PLEK: variants seen among roughly 807,000 people sequenced by gnomAD.
PLEK encodes pleckstrin.
Under a neutral mutation model 43.9 loss-of-function variants are expected in PLEK, and 25 were observed. The observed-to-expected ratio is 0.57, with a 90% confidence interval of 0.41 to 0.79. The LOEUF (loss-of-function observed/expected upper bound fraction) is 0.79, where lower values mean the gene tolerates loss of function less well. Ranked by LOEUF, PLEK falls within the 30% of genes least tolerant of loss-of-function variation. PLEK has a pLI of 0.00. For missense variants in PLEK, 396 were observed against 413.3 expected (o/e 0.96, Z 0.36); for synonymous variants, 152 against 144.4 (o/e 1.05, Z -0.38).
rs796961997 is a variant in PLEK at position 68,378,381 on chromosome 2, G to A, written c.43-1947G>A. On this transcript the variant is annotated intron_variant, in intron 1 of 8. Coordinates refer to ENST00000234313, the MANE Select transcript of PLEK (RefSeq NM_002664.3). ...GATGACATGTCATACAATAATGGAG[G>A]AGGCCTGCAAGTCTGAGGCAGGCCG... 3.2e-4 allele frequency among the ~76,000 whole-genome samples: 49 copies of A among 152,240 alleles called. 1 individual carries two copies. Among genetic ancestry groups the A allele is most frequent in the African/African-American group, 1.1e-3 (47 of 41,536 alleles).
chr2:68,381,242 A>G lies in PLEK; in HGVS notation c.380+338A>G, dbSNP rs115519401. On this transcript the variant is annotated intron_variant, in intron 3 of 8. Coordinates refer to ENST00000234313, the MANE Select transcript of PLEK (RefSeq NM_002664.3). ...CTTTAGGATCTTTAGGTAGAAAGGAAAAAGCAGGGGCTATGCATCCAAGCA... is the reference window on the plus strand; with the variant it reads ...CTTTAGGATCTTTAGGTAGAAAGGAGAAAGCAGGGGCTATGCATCCAAGCA... Among the ~76,000 whole-genome samples the G allele has an allele frequency of 1.6e-3, 248 of 152,336 alleles. 1 individual carries two copies. Among genetic ancestry groups the G allele is most frequent in the African/African-American group, 5.8e-3 (242 of 41,584 alleles).
chr2:68,386,434 AG>A, intron 4 of PLEK, 67 bp from the exon 5 acceptor site: 2 of 1,274,132 alleles, frequency 1.6e-6, no homozygotes, highest in South Asian at 2.6e-5. Context: ...GAGTCAGTTC[AG>A]GGGTGATTGT....
In PLEK at chr2:68,393,220, A is replaced by C; in HGVS notation, c.821A>C (p.Tyr274Ser). The change falls in exon 7 of 9, where the codon TAC (tyrosine) becomes TCC (serine). Residue 274 changes from tyrosine (Y) to serine (S), a missense_variant. Coordinates refer to ENST00000234313, the MANE Select transcript of PLEK (RefSeq NM_002664.3). ...RKFILREDPA[Y>S]LHYYDPAGAE... ...TTCATCTTGAGAGAAGACCCTGCCTACCTGCACTACTATGACCCTGCTGGG... is the reference window on the plus strand; with the variant it reads ...TTCATCTTGAGAGAAGACCCTGCCTCCCTGCACTACTATGACCCTGCTGGG... The C allele has an allele frequency of 6.2e-7, 1 of 1,611,288 alleles. No individual in the cohort carries two copies. The highest frequency in any genetic ancestry group is 8.5e-7 in the Non-Finnish European group (1 of 1,177,396).
At chr2:68,387,956 T>C (rs1361196184) in intron 5 of PLEK, 1 of 156,938 alleles carries the variant, frequency 6.4e-6, no homozygotes, top group African/African-American at 2.4e-5. Context: ...CTGTCACTTT[T>C]CTCCAAGAGG....
At chr2:68,384,173 TTCTCCTTCTCCTTCTCCTTCTC>T (rs1673691712) in intron 4 of PLEK, among the ~76,000 whole-genome samples, 2 of 45,860 alleles carry the variant, frequency 4.4e-5, no homozygotes, top group Non-Finnish European at 9.3e-5. Context: ...CTCCTTCTCC[TTCTCCTTCTCCTTCTCCTTCTC>T]CTTCTCCTCC....
intron 5 of PLEK, 22 bp from the exon 6 acceptor site, chr2:68,388,365 T>C (rs769355043): frequency 8.5e-6 from 12 of 1,405,488 alleles, no homozygotes; most frequent in Non-Finnish European, 1.2e-5. Context: ...TGATGTTAGC[T>C]TGCTGTTTGA....
intron 1 of PLEK, among the ~76,000 whole-genome samples, chr2:68,371,778 T>C (rs1231095202): frequency 6.8e-6 from 1 of 146,226 alleles, no homozygotes; most frequent in Non-Finnish European, 1.5e-5. Context: ...CTTCTCTGTA[T>C]ACAACCACAA....
In PLEK at chr2:68,395,841, C is replaced by T. The variant is rs766972214; in HGVS notation, c.*25C>T. 1 of 1,605,420 alleles carries T rather than the reference C, an allele frequency of 6.2e-7. No homozygotes were observed. The highest frequency in any genetic ancestry group is 1.1e-5 in the South Asian group (1 of 90,886). On this transcript the variant is annotated 3_prime_UTR_variant, in exon 9 of 9. Transcript: ENST00000234313. ...AAGAGACTCCTGCATTCCTCCTCCC[C>T]TCCTGAGGGAAGCCCATGGACAAGC... is the stretch of plus-strand genomic sequence containing the variant.
chr2:68,365,302 C>G lies in PLEK; in HGVS notation c.-50C>G, dbSNP rs1003884483. On this transcript the variant is annotated 5_prime_UTR_variant, in exon 1 of 9. Coordinates refer to ENST00000234313, the MANE Select transcript of PLEK (RefSeq NM_002664.3). Reference sequence around the variant, plus strand: ...TCAGCATGCAGAGGAGGCCCAGCTGCTGAGAGGAGTTGCCTGAGAGTGACC... The same window carrying G: ...TCAGCATGCAGAGGAGGCCCAGCTGGTGAGAGGAGTTGCCTGAGAGTGACC... The G allele has an allele frequency of 6.4e-6, 10 of 1,573,272 alleles. No homozygotes were observed. The highest frequency in any genetic ancestry group is 7.9e-6 in the Non-Finnish European group (9 of 1,143,326).
intron 6 of PLEK, among the ~76,000 whole-genome samples, chr2:68,391,624 C>A (rs1327639985): frequency 6.6e-6 from 1 of 152,172 alleles, no homozygotes; most frequent in East Asian, 1.9e-4. Context: ...AACTTAGGCC[C>A]ATTTCTGAAA....
At chr2:68,382,820 C>T (rs1289207491) in intron 4 of PLEK, among the ~76,000 whole-genome samples, 187 bp downstream of exon 4, 1 of 152,098 alleles carries the variant, frequency 6.6e-6, no homozygotes, top group African/African-American at 2.4e-5. Context: ...TTCAAGCTAA[C>T]GATTTTGTTC....
At chr2:68,373,940 T>C (rs769492520) in intron 1 of PLEK, among the ~76,000 whole-genome samples, 1 of 152,214 alleles carries the variant, frequency 6.6e-6, no homozygotes, top group Non-Finnish European at 1.5e-5. Flanking sequence ...AGTCATATGT[T>C]ACTCATTCAT....
chr2:68,373,763 T>C (rs1673452992), intron 1 of PLEK, among the ~76,000 whole-genome samples: 1 of 152,170 alleles, frequency 6.6e-6, no homozygotes, highest in Non-Finnish European at 1.5e-5. Context: ...GAATATTAAA[T>C]GTTAGGTTTA....
intron 5 of PLEK, among the ~76,000 whole-genome samples, chr2:68,387,643 T>C (rs577453190): frequency 6.6e-6 from 1 of 152,296 alleles, no homozygotes; most frequent in South Asian, 2.1e-4. Context: ...CTTGGGGGAT[T>C]TTGGCAGTTT....
chr2:68,374,155 TC>T (rs1365134156), intron 1 of PLEK, among the ~76,000 whole-genome samples: 1 of 152,212 alleles, frequency 6.6e-6, no homozygotes, highest in East Asian at 1.9e-4. Context: ...TTTGCAGACA[TC>T]ACGCTACCTC....
chr2:68,395,983 C>T lies in PLEK; in HGVS notation c.*167C>T. On this transcript the variant is annotated 3_prime_UTR_variant, in exon 9 of 9. Coordinates refer to ENST00000234313, the MANE Select transcript of PLEK (RefSeq NM_002664.3). ...TCACCATGTGGTGTGCAAGGTTCCC[C>T]TGCATTGTATTGCTCACTGCAGCCC... The T allele has an allele frequency of 3.1e-6, 2 of 639,926 alleles. No individual in the cohort carries two copies. The highest frequency in any genetic ancestry group is 2.8e-6 in the Non-Finnish European group (1 of 354,904). The allele number at this position is 639,926 out of a possible 1,614,324, so 39.6% of individuals were successfully genotyped here. A position where few individuals can be genotyped will look rare whatever the true frequency, so the allele number is the denominator to read the frequency against.
At chr2:68,369,482 C>CT (rs367660375) in intron 1 of PLEK, among the ~76,000 whole-genome samples, 5,096 of 135,096 alleles carry the variant, frequency 0.038, 113 homozygotes, top group Admixed American at 0.078. Flanking sequence ...AAACCGTACT[C>CT]TTTTTTTTTT....
chr2:68,374,466 ACTATAATCACT>A, intron 1 of PLEK, among the ~76,000 whole-genome samples: 1 of 152,192 alleles, frequency 6.6e-6, no homozygotes, highest in South Asian at 2.1e-4. Flanking sequence ...GGGTGGTGTT[ACTATAATCACT>A]GTATACCCCT....
At chr2:68,372,974 A>G (rs1364803111) in intron 1 of PLEK, among the ~76,000 whole-genome samples, 1 of 151,366 alleles carries the variant, frequency 6.6e-6, no homozygotes, top group South Asian at 2.1e-4. Context: ...GTGGTAGGCC[A>G]ATCACTTAAC....
Sources: gnomAD v4.1 joint callset for allele counts (sites outside exome capture counted in the v4.1 genomes callset) on GRCh38, gnomAD v4.1.1 for gene constraint, MANE v1.5 for transcripts, NCBI Gene and HGNC (gene_info 2026-07-23, HGNC 2026-07-21) for gene names.